The following PEAK1 variants were observed in gnomAD, a reference collection of about 807,000 sequenced individuals.
PEAK1 encodes the protein pseudopodium enriched atypical kinase 1, also known as inactive tyrosine-protein kinase PEAK1.
Under a neutral mutation model 124.7 loss-of-function variants are expected in PEAK1, and 54 were observed. The ratio of observed to expected loss-of-function variants is 0.43; its 90% CI spans 0.35 to 0.54. PEAK1 has a LOEUF of 0.54. Ranked by LOEUF, PEAK1 falls within the 20% of genes least tolerant of loss-of-function variation. The pLI is 0.01. For synonymous variants in PEAK1, 719 were observed against 760.0 expected (o/e 0.95, Z 0.89); for missense variants, 2,046 against 2,134.5 (o/e 0.96, Z 0.82).
At position 77,181,914 on chromosome 15, in the gene PEAK1, T is replaced by G; in HGVS notation, c.13A>C (p.Asn5His). Reference protein sequence around the residue: MSACNTFTEHVWKPG... With the variant: MSACHTFTEHVWKPG... ...TTCCAAACATGTTCAGTAAAGGTGT[T>G]ACAAGCAGACATTTTTAAAAATAGA... is the stretch of plus-strand genomic sequence containing the variant. The change falls in exon 7 of 10, where the codon AAC (asparagine) becomes CAC (histidine). Residue 5 changes from asparagine (N) to histidine (H), a missense_variant. By Grantham distance (68) the Asn-to-His change is moderately conservative. Transcript: ENST00000682557. 3 of 1,555,588 alleles carry G rather than the reference T, an allele frequency of 1.9e-6. No individual in the cohort carries two copies. The highest frequency in any genetic ancestry group is 2.6e-6 in the Non-Finnish European group (3 of 1,152,118).
chr15:77,287,518 A>AT (rs2062989410), intron 2 of PEAK1, among the ~76,000 whole-genome samples: 3 of 152,204 alleles, frequency 2.0e-5, no homozygotes, highest in Admixed American at 2.0e-4. Context: ...TTTAATAGTA[A>AT]TTAGGCAAAG....
Position 77,179,459 on chromosome 15 carries a change from G to T in PEAK1, c.2468C>A (p.Ser823Tyr). The T allele has an allele frequency of 6.2e-7, 1 of 1,614,148 alleles. No individual in the cohort carries two copies. The highest frequency in any genetic ancestry group is 8.5e-7 in the Non-Finnish European group (1 of 1,180,004). ...TPVRPKSLFT[S>Y]QPSGEAEAPQ... Reference sequence around the variant, plus strand: ...TGCTTCAGCCTCACCACTAGGCTGAGATGTAAAGAGAGATTTGGGCCGGAC... The same window carrying T: ...TGCTTCAGCCTCACCACTAGGCTGATATGTAAAGAGAGATTTGGGCCGGAC... Residue 823 changes from serine to tyrosine, a missense_variant, in exon 7 of 10, where the codon TCT becomes TAT. By Grantham distance (144) the Ser-to-Tyr change is moderately radical (BLOSUM62 -2). Transcript: ENST00000682557.
At chr15:77,402,036 T>C (rs1444007070) in intron 1 of PEAK1, 1 of 754,056 alleles carries the variant, frequency 1.3e-6, no homozygotes, top group East Asian at 1.3e-4. Flanking sequence ...CCAGCTCTAC[T>C]AAAAATACAA....
chr15:77,144,031 A>G lies in PEAK1; in HGVS notation c.3332-10281T>C, dbSNP rs533149886. On this transcript the variant is annotated intron_variant, in intron 8 of 9. Transcript: ENST00000682557. The stretch of plus-strand genomic sequence containing the variant: ...CAAAAATAATCACAGACATGAGAGA[A>G]ATGGAGAATTCCAAAAGTACCTTTT... 4.6e-5 allele frequency among the ~76,000 whole-genome samples: 7 copies of G among 152,348 alleles called. No individual in the cohort carries two copies. The South Asian group carries it at 1.2e-3, about 27-fold the overall frequency.
chr15:77,263,466 A>G (rs1320537917), intron 5 of PEAK1, among the ~76,000 whole-genome samples: 3 of 152,336 alleles, frequency 2.0e-5, no homozygotes, highest in South Asian at 2.1e-4. Context: ...ATCAGAGAAT[A>G]CTATAAACAC....
At chr15:77,188,052 GGAA>G (rs2057637369) in intron 6 of PEAK1, among the ~76,000 whole-genome samples, 1 of 152,074 alleles carries the variant, frequency 6.6e-6, no homozygotes, top group South Asian at 2.1e-4. Context: ...CAAAGCTGCA[GGAA>G]GAAGTTTTGC....
chr15:77,383,340 T>C (rs1281344749), intron 1 of PEAK1, among the ~76,000 whole-genome samples: 1 of 152,202 alleles, frequency 6.6e-6, no homozygotes, highest in Non-Finnish European at 1.5e-5. Context: ...TATATCATTA[T>C]TTTAAATAGA....
intron 6 of PEAK1, among the ~76,000 whole-genome samples, chr15:77,210,062 A>G (rs1322479858): frequency 6.6e-6 from 1 of 152,218 alleles, no homozygotes; most frequent in Non-Finnish European, 1.5e-5. Flanking sequence ...TCTATCAAAT[A>G]AGAATTAACA....
chr15:77,168,983 TTCAGGCA>T (rs2056320066), intron 7 of PEAK1, among the ~76,000 whole-genome samples: 2 of 152,216 alleles, frequency 1.3e-5, no homozygotes, highest in Non-Finnish European at 2.9e-5. Flanking sequence ...CTAAAGGCCA[TTCAGGCA>T]GCAAATGATA....
chr15:77,325,498 G>T (rs893291408), intron 2 of PEAK1, among the ~76,000 whole-genome samples: 2 of 151,940 alleles, frequency 1.3e-5, no homozygotes, highest in Admixed American at 1.3e-4. Context: ...ATGGCAAATA[G>T]GTGGAACTCA....
chr15:77,140,092 T>C (rs1032291344), intron 8 of PEAK1, among the ~76,000 whole-genome samples: 10 of 152,144 alleles, frequency 6.6e-5, no homozygotes, highest in Admixed American at 1.3e-4. Flanking sequence ...AGAAATTGAA[T>C]TAGTATTTTA....
intron 5 of PEAK1, chr15:77,278,726 G>A (rs562704988): frequency 4.0e-6 from 2 of 499,976 alleles, no homozygotes; most frequent in South Asian, 3.0e-5. Flanking sequence ...GGGTGCTGGA[G>A]ATGCCAAGTG....
chr15:77,274,292 A>G (rs913600949), intron 5 of PEAK1, among the ~76,000 whole-genome samples: 2 of 152,112 alleles, frequency 1.3e-5, no homozygotes, highest in African/African-American at 4.8e-5. Flanking sequence ...AATTAAACGA[A>G]AAAGCTTCTG....
chr15:77,170,935 A>G (rs1596455665), intron 7 of PEAK1, among the ~76,000 whole-genome samples: 1 of 152,244 alleles, frequency 6.6e-6, no homozygotes, highest in East Asian at 1.9e-4. Flanking sequence ...GATAGTTGAG[A>G]AATTCCTAAC....
intron 2 of PEAK1, among the ~76,000 whole-genome samples, chr15:77,344,893 T>C (rs569344491): frequency 1.3e-5 from 2 of 152,248 alleles, no homozygotes; most frequent in African/African-American, 4.8e-5. Context: ...TGTGTGTTGA[T>C]TTGTATCCAG....
At chr15:77,265,582 C>T (rs1331364500) in intron 5 of PEAK1, among the ~76,000 whole-genome samples, 7 of 151,972 alleles carry the variant, frequency 4.6e-5, no homozygotes, top group South Asian at 2.1e-4. Context: ...GTTAGAATGG[C>T]GATCATTAAA....
rs183561543 is a variant in PEAK1, at chr15:77,181,697, A to T, written c.230T>A (p.Met77Lys). The change falls in exon 7 of 10, where the codon ATG becomes AAG. Residue 77 changes from methionine (M) to lysine (K), a missense_variant. Transcript: ENST00000682557. The stretch of plus-strand genomic sequence containing the variant: ...TATACTTTGCCCATCTGCCACTATC[A>T]TAGTGGGCTTCACAGCTATAGTGGG... ...KKPTIAVKPT[M>K]IVADGQSICG... The T allele has an allele frequency of 2.4e-4, 391 of 1,614,038 alleles. No homozygotes were observed. Among genetic ancestry groups the T allele is most frequent in the Non-Finnish European group, 3.0e-4 (353 of 1,179,996 alleles).
At chr15:77,264,913 A>T (rs1233136393) in intron 5 of PEAK1, among the ~76,000 whole-genome samples, 1 of 152,134 alleles carries the variant, frequency 6.6e-6, no homozygotes, top group Non-Finnish European at 1.5e-5. Flanking sequence ...AGAGATATAG[A>T]TCAATGGAAC....
At chr15:77,186,766 G>C (rs550233512) in intron 6 of PEAK1, among the ~76,000 whole-genome samples, 5 of 152,150 alleles carry the variant, frequency 3.3e-5, no homozygotes, top group Non-Finnish European at 4.4e-5. Flanking sequence ...GAGACAAAGA[G>C]GTGCACTTAA....
Sources: gnomAD v4.1 joint callset for allele counts (sites outside exome capture counted in the v4.1 genomes callset) on GRCh38, gnomAD v4.1.1 for gene constraint, MANE v1.5 for transcripts, NCBI Gene and HGNC (gene_info 2026-07-23, HGNC 2026-07-21) for gene names.